Variants in CTDP1 observed in about 807,000 individuals in gnomAD.
CTDP1 encodes RNA polymerase II subunit A C-terminal domain phosphatase.
CTDP1 carries 47 observed loss-of-function variants against 91.8 expected under a neutral mutation model. That is an observed-to-expected ratio of 0.51 (90% confidence interval 0.41 to 0.65). CTDP1 has a LOEUF of 0.65. Among genes scored for constraint, CTDP1 ranks in the 30% least tolerant of loss-of-function variants. The pLI is 0.00. For synonymous variants in CTDP1, 656 were observed against 598.5 expected (o/e 1.10, Z -1.40); for missense variants, 1,272 against 1,373.7 (o/e 0.93, Z 1.17).
rs141176127 is a variant in CTDP1 at position 79,717,566 on chromosome 18, C to G, written c.2100C>G (p.Cys700Trp). 1 of 1,613,710 alleles carries G rather than the reference C, an allele frequency of 6.2e-7. No homozygotes were observed. The highest frequency in any genetic ancestry group is 1.3e-5 in the African/African-American group (1 of 75,022). ...GTEKVLQAQE[C>W]GHLHVVNPDW... ...AGAAGGTGCTGCAGGCACAGGAGTGCGGACACCTGCACGTGGTCAACCCTG... is the reference window on the plus strand; with the variant it reads ...AGAAGGTGCTGCAGGCACAGGAGTGGGGACACCTGCACGTGGTCAACCCTG... Residue 700 changes from cysteine (C) to tryptophan (W), a missense_variant, in exon 9 of 13, where the codon TGC becomes TGG. Cys to Trp is a radical substitution (Grantham distance 215, BLOSUM62 -2). Transcript: ENST00000613122.
At position 79,722,427 on chromosome 18, in the gene CTDP1, C is replaced by T. The variant is rs564270255; in HGVS notation, c.2417+4411C>T. ...AGTCGACTTTTGATGAAATTTTCTT[C>T]TGTTTTTAATGTGAAAGTGTAATTT... On this transcript the variant is annotated intron_variant, in intron 10 of 12. Coordinates refer to ENST00000613122, the MANE Select transcript of CTDP1 (RefSeq NM_004715.5). 2.0e-5 allele frequency among the ~76,000 whole-genome samples: 3 copies of T among 152,308 alleles called. No homozygotes were observed. The South Asian group carries it at 6.2e-4, about 32-fold the overall frequency.
chr18:79,698,129 C>G (rs560054539), intron 4 of CTDP1, 141 bp downstream of exon 4: 1 of 1,263,022 alleles, frequency 7.9e-7, no homozygotes, highest in South Asian at 1.3e-5. Context: ...TAGTTCTGGG[C>G]GTGGGCCGTG....
At position 79,713,168 on chromosome 18, in the gene CTDP1, A is replaced by G; in HGVS notation, c.1030+30A>G. ...GTAACCTCCTTCCTGATTCTCTAGAAGAATTCACATTTGCTTATTGTTTAG... is the reference window on the plus strand; with the variant it reads ...GTAACCTCCTTCCTGATTCTCTAGAGGAATTCACATTTGCTTATTGTTTAG... On this transcript the variant is annotated intron_variant, in intron 7 of 12. Transcript: ENST00000613122. The surrounding 1 kb of genome is among the most constrained non-coding windows in gnomAD (Gnocchi z 4.7). 6.2e-7 allele frequency: 1 copy of G among 1,606,880 alleles called. No homozygotes were observed. The highest frequency in any genetic ancestry group is 8.5e-7 in the Non-Finnish European group (1 of 1,174,666).
At chr18:79,691,435 C>T (rs1013294587) in intron 1 of CTDP1, among the ~76,000 whole-genome samples, 3 of 152,092 alleles carry the variant, frequency 2.0e-5, no homozygotes, top group Admixed American at 6.5e-5. Flanking sequence ...CAATGTGCGA[C>T]GGGTCACACA....
chr18:79,708,989 A>G lies in CTDP1; in HGVS notation c.773-1357A>G, dbSNP rs189417426. The stretch of plus-strand genomic sequence containing the variant: ...GTTATGTGGGTGCCATGGAATACCT[A>G]TCTCTTGAGGTATGTGCAGATTTAT... On this transcript the variant is annotated intron_variant, in intron 5 of 12. Coordinates refer to ENST00000613122, the MANE Select transcript of CTDP1 (RefSeq NM_004715.5). Among the ~76,000 whole-genome samples the G allele has an allele frequency of 1.3e-3, 193 of 152,362 alleles. 2 individuals carry two copies. The highest frequency in any genetic ancestry group is 3.1e-3 in the East Asian group (16 of 5,188).
At chr18:79,737,675 G>GCCA in intron 12 of CTDP1, among the ~76,000 whole-genome samples, 1 of 152,072 alleles carries the variant, frequency 6.6e-6, no homozygotes, top group Non-Finnish European at 1.5e-5. Flanking sequence ...CCACCTCACT[G>GCCA]CCCGGTTCTG....
intron 4 of CTDP1, among the ~76,000 whole-genome samples, chr18:79,698,636 G>A (rs998113931): frequency 3.3e-5 from 5 of 152,124 alleles, no homozygotes; most frequent in Admixed American, 1.3e-4. Context: ...GGCTTGTGTC[G>A]GCCTAGACGG....
At chr18:79,730,842 G>A (rs2086551509) in intron 11 of CTDP1, among the ~76,000 whole-genome samples, 1 of 152,238 alleles carries the variant, frequency 6.6e-6, no homozygotes, top group Non-Finnish European at 1.5e-5. Flanking sequence ...TTTTGGTCCT[G>A]TGAGGCTCAT....
At chr18:79,721,835 T>A (rs959678289) in intron 10 of CTDP1, among the ~76,000 whole-genome samples, 9 of 152,048 alleles carry the variant, frequency 5.9e-5, no homozygotes, top group African/African-American at 1.9e-4. Flanking sequence ...TTTATTTTTT[T>A]TTTTTTGAGA....
chr18:79,698,110 C>T (rs975640535), intron 4 of CTDP1, 122 bp downstream of exon 4: 1 of 1,418,088 alleles, frequency 7.1e-7, no homozygotes. Flanking sequence ...GTTTGGAAAG[C>T]AGACTTGCTA....
At chr18:79,694,406 G>A (rs7243548) in intron 1 of CTDP1, among the ~76,000 whole-genome samples, 17,075 of 82,692 alleles carry the variant, frequency 0.21, 5,404 homozygotes, top group Non-Finnish European at 0.33. Context: ...TCCGCGGGGC[G>A]CGGTGGTCGG....
chr18:79,686,376 T>C (rs188507018), intron 1 of CTDP1, among the ~76,000 whole-genome samples: 1 of 152,316 alleles, frequency 6.6e-6, no homozygotes, highest in East Asian at 1.9e-4. Context: ...GCGATGTAAG[T>C]TGTCTCAGAA....
At chr18:79,708,419 G>A (rs890417117) in intron 5 of CTDP1, among the ~76,000 whole-genome samples, 2 of 152,248 alleles carry the variant, frequency 1.3e-5, no homozygotes, top group Non-Finnish European at 2.9e-5. Context: ...AAGCCAGCGT[G>A]AAAACAATAG....
chr18:79,746,884 C>T (rs1339706990), intron 12 of CTDP1, among the ~76,000 whole-genome samples: 1 of 152,212 alleles, frequency 6.6e-6, no homozygotes, highest in African/African-American at 2.4e-5. Flanking sequence ...CCCGCCTCAG[C>T]CTCCCAAAGT....
At chr18:79,688,927 G>A (rs1160616710) in intron 1 of CTDP1, among the ~76,000 whole-genome samples, 2 of 152,202 alleles carry the variant, frequency 1.3e-5, no homozygotes, top group Non-Finnish European at 2.9e-5. Flanking sequence ...CCCAGATTCC[G>A]CAAATGTTAA....
chr18:79,733,338 A>G (rs1267588257), intron 11 of CTDP1, among the ~76,000 whole-genome samples: 1 of 152,200 alleles, frequency 6.6e-6, no homozygotes, highest in African/African-American at 2.4e-5. Flanking sequence ...CAGCTCACAA[A>G]GAGACTCACA....
At chr18:79,733,635 T>G (rs1393046996) in intron 11 of CTDP1, among the ~76,000 whole-genome samples, 1 of 151,964 alleles carries the variant, frequency 6.6e-6, no homozygotes, top group Non-Finnish European at 1.5e-5. Flanking sequence ...TGGCGTCCGC[T>G]GCCTCTCCAG....
Position 79,713,048 on chromosome 18 carries a change from C to G in CTDP1, c.940C>G (p.Leu314Val). ...AGATGTCTGGAAGTTTGCCCCCAATCTGATAACTGTGAAGAAATATGTATA... is the reference window on the plus strand; with the variant it reads ...AGATGTCTGGAAGTTTGCCCCCAATGTGATAACTGTGAAGAAATATGTATA... ...REDVWKFAPN[L>V]ITVKKYVYFQ... Residue 314 changes from leucine to valine, a missense_variant, in exon 7 of 13, where the codon CTG becomes GTG. Leu to Val is a conservative substitution (Grantham distance 32). This residue lies in a region of CTDP1 where 177 missense variants were observed against 283.0 expected (regional missense o/e 0.63). Transcript: ENST00000613122. The surrounding 1 kb of genome is among the most constrained non-coding windows in gnomAD (Gnocchi z 4.7). The G allele has an allele frequency of 2.5e-6, 4 of 1,614,138 alleles. No individual in the cohort carries two copies. Among genetic ancestry groups the G allele is most frequent in the Non-Finnish European group, 3.4e-6 (4 of 1,180,008 alleles).
In CTDP1 at chr18:79,704,111, C is replaced by G. The variant is rs149365246; in HGVS notation, c.622-656C>G. On this transcript the variant is annotated intron_variant, in intron 4 of 12. Transcript: ENST00000613122. ...TTACCACGGGCAGTCAGTATTCACA[C>G]TCACTGAGGGCATTCCCGCAGCAGA... 8.6e-3 allele frequency among the ~76,000 whole-genome samples: 1,309 copies of G among 152,326 alleles called. 68 individuals carry two copies. The highest frequency in any genetic ancestry group is 0.074 in the Admixed American group (1,132 of 15,304).
Sources: gnomAD v4.1 joint callset for allele counts (sites outside exome capture counted in the v4.1 genomes callset) on GRCh38, gnomAD v4.1.1 for gene constraint, gnomAD v4.1.1 regional missense constraint, Gnocchi (gnomAD v3.1) non-coding constraint, MANE v1.5 for transcripts, NCBI Gene and HGNC (gene_info 2026-07-23, HGNC 2026-07-21) for gene names.